The following SPI1 variants were observed in gnomAD, a reference collection of about 807,000 sequenced individuals.
The protein encoded by SPI1 is transcription factor PU.1.
SPI1 carries 3 observed loss-of-function variants against 30.7 expected under a neutral mutation model. The observed-to-expected ratio is 0.10, with a 90% CI of 0.04 to 0.25. The LOEUF (loss-of-function observed/expected upper bound fraction) is 0.25. Among genes scored for constraint, SPI1 ranks in the 10% least tolerant of loss-of-function variants. The pLI, the probability that SPI1 is intolerant of heterozygous loss-of-function variation, is 1.00. For missense variants in SPI1, 261 were observed against 371.5 expected, an observed-to-expected ratio of 0.70 and a Z score of 2.45; for synonymous variants, 169 against 157.1, an observed-to-expected ratio of 1.08 and a Z score of -0.56.
At chr11:47,358,437 C>T in intron 4 of SPI1, 2 of 634,398 alleles carry the variant, frequency 3.2e-6, no homozygotes, top group South Asian at 3.5e-5. Context: ...CATGTGTTGA[C>T]AGACACACAA....
At chr11:47,362,244 C>CATT (rs1389726026) in intron 2 of SPI1, among the ~76,000 whole-genome samples, 4 of 152,066 alleles carry the variant, frequency 2.6e-5, no homozygotes, top group Non-Finnish European at 5.9e-5. Context: ...TCATCATTAT[C>CATT]ATTATTATTA....
chr11:47,367,640 A>T (rs986915153), intron 2 of SPI1, among the ~76,000 whole-genome samples: 2 of 152,038 alleles, frequency 1.3e-5, no homozygotes, highest in Admixed American at 6.6e-5. Context: ...AGAAAGAAAA[A>T]AAGAAAATAA....
chr11:47,357,180 C>CACTCA lies in SPI1; in HGVS notation c.494-1639_494-1635dup, dbSNP rs1484950013. The stretch of plus-strand genomic sequence containing the variant: ...CACACACATGCTCACATCTCACACC[C>CACTCA]ACTCACACACACCTGCCCACACATA... On this transcript the variant is annotated intron_variant, in intron 4 of 4. Coordinates refer to ENST00000378538, the MANE Select transcript of SPI1 (RefSeq NM_003120.3). Among the ~76,000 whole-genome samples, 5 of 151,496 alleles carry CACTCA rather than the reference C, an allele frequency of 3.3e-5. No individual in the cohort carries two copies. The East Asian group carries it at 9.7e-4, about 29-fold the overall frequency.
chr11:47,364,598 C>T (rs2095925844), intron 2 of SPI1, among the ~76,000 whole-genome samples: 1 of 152,186 alleles, frequency 6.6e-6, no homozygotes, highest in Non-Finnish European at 1.5e-5. Flanking sequence ...AACCCACTCC[C>T]ATTCCAGGGC....
intron 2 of SPI1, among the ~76,000 whole-genome samples, chr11:47,362,578 T>C (rs1164800849): frequency 7.0e-6 from 1 of 142,530 alleles, no homozygotes; most frequent in Non-Finnish European, 1.5e-5. Context: ...CTCTTTTTTT[T>C]TTTTTTTTTT....
At chr11:47,367,553 C>CAAAAAAA (rs368823506) in intron 2 of SPI1, among the ~76,000 whole-genome samples, 1 of 114,480 alleles carries the variant, frequency 8.7e-6, no homozygotes, top group African/African-American at 3.5e-5. Flanking sequence ...GACTCTGCCT[C>CAAAAAAA]AAAAAAAAAA....
At chr11:47,366,559 A>G (rs927766938) in intron 2 of SPI1, among the ~76,000 whole-genome samples, 2 of 152,198 alleles carry the variant, frequency 1.3e-5, no homozygotes, top group Admixed American at 1.3e-4. Flanking sequence ...AAAATTATTC[A>G]GACGTAGAAA....
At chr11:47,367,628 A>C (rs1348284740) in intron 2 of SPI1, among the ~76,000 whole-genome samples, 5 of 151,990 alleles carry the variant, frequency 3.3e-5, no homozygotes, top group African/African-American at 9.7e-5. Flanking sequence ...GTTAAAAAAA[A>C]AAGAAAGAAA....
At position 47,359,731 on chromosome 11, in the gene SPI1, G is replaced by GT; in HGVS notation, c.330+121dup. On this transcript the variant is annotated intron_variant, in intron 3 of 4. Transcript: ENST00000378538. The surrounding 1 kb of genome is among the most constrained non-coding windows in gnomAD (Gnocchi z 5.1). ...GGCAGCCGTTGGAGCTCCAGCCGCC[G>GT]TTGGCACTGTGGGGCAGGAAGCTGA... 8.8e-7 allele frequency: 1 copy of GT among 1,142,318 alleles called. No individual in the cohort carries two copies. The highest frequency in any genetic ancestry group is 1.2e-6 in the Non-Finnish European group (1 of 804,608). 70.8% of individuals were successfully genotyped at this position (1,142,318 alleles called of 1,614,324 possible). A position where few individuals can be genotyped will look rare whatever the true frequency, so the allele number is the denominator to read the frequency against.
At chr11:47,360,851 G>A (rs1481220988) in intron 2 of SPI1, among the ~76,000 whole-genome samples, 1 of 149,428 alleles carries the variant, frequency 6.7e-6, no homozygotes, top group East Asian at 2.0e-4. Context: ...GCCGGGCGCA[G>A]TGGCTCACGC....
chr11:47,356,793 CACTT>C (rs1466798980), intron 4 of SPI1, among the ~76,000 whole-genome samples: 2 of 150,694 alleles, frequency 1.3e-5, no homozygotes, highest in Non-Finnish European at 3.0e-5. Flanking sequence ...ACCTCACACA[CACTT>C]GCACGCACAC....
rs1000662585 is a variant in SPI1 at position 47,374,265 on chromosome 11, G to A, written c.142+1368C>T. 2.0e-5 allele frequency among the ~76,000 whole-genome samples: 3 copies of A among 152,236 alleles called. No individual in the cohort carries two copies. The highest frequency in any genetic ancestry group is 7.2e-5 in the African/African-American group (3 of 41,468). On this transcript the variant is annotated intron_variant, in intron 2 of 4. Coordinates refer to ENST00000378538, the MANE Select transcript of SPI1 (RefSeq NM_003120.3). This position sits in a 1 kb window ranked among gnomAD's most constrained non-coding sequence, Gnocchi z 4.5. ...CTACATTGCCTGGGTTTCCCACCAA[G>A]AGGATGTGTTTTTTACATAATTACA...
At chr11:47,355,790 C>T (rs1364791697) in intron 4 of SPI1, among the ~76,000 whole-genome samples, 2 of 148,588 alleles carry the variant, frequency 1.3e-5, no homozygotes, top group Non-Finnish European at 3.0e-5. Context: ...CCCACGCGCA[C>T]ACACTCGCAC....
Position 47,358,935 on chromosome 11 carries a change from C to T in SPI1, c.402G>A (p.Glu134=), listed in dbSNP as rs973223392. The change falls in exon 4 of 5, where the codon GAG becomes GAA. Residue 134 remains glutamate, a synonymous_variant. Coordinates refer to ENST00000378538, the MANE Select transcript of SPI1 (RefSeq NM_003120.3). ...GTGGGGGGCTCTGCCGCTCGCCCTC[C>T]TCCTCATCTGAGCTGGGCTGGGCTG... ...LSPAQPSSDE[E]EGERQSPPLE... 6.4e-7 allele frequency: 1 copy of T among 1,567,206 alleles called. No individual in the cohort carries two copies. The highest frequency in any genetic ancestry group is 8.6e-7 in the Non-Finnish European group (1 of 1,156,826).
chr11:47,359,892 A>G lies in SPI1; in HGVS notation c.291T>C (p.Asp97=). Residue 97 remains aspartate, a synonymous_variant, in exon 3 of 5, where the codon GAT becomes GAC. Transcript: ENST00000378538. The surrounding 1 kb of genome is among the most constrained non-coding windows in gnomAD (Gnocchi z 5.1). ...TGGGATGGGGTGGCACCATGGGGGT[A>G]TCGAGGACGTGCATCTGCTCCAGCT... The part of the protein sequence containing the change: ...HMELEQMHVL[D]TPMVPPHPSL... 1.2e-6 allele frequency: 2 copies of G among 1,609,168 alleles called. No homozygotes were observed. Among genetic ancestry groups the G allele is most frequent in the African/African-American group, 1.3e-5 (1 of 75,000 alleles).
Position 47,374,154 on chromosome 11 carries a change from G to T in SPI1, c.142+1479C>A, listed in dbSNP as rs1289254913. Reference sequence around the variant, plus strand: ...GTCCTGGAACCGCTTGGGAAGGTGGGTGCGTGGTCTCTGGGTCCCCCAGAC... The same window carrying T: ...GTCCTGGAACCGCTTGGGAAGGTGGTTGCGTGGTCTCTGGGTCCCCCAGAC... On this transcript the variant is annotated intron_variant, in intron 2 of 4. Coordinates refer to ENST00000378538, the MANE Select transcript of SPI1 (RefSeq NM_003120.3). This position sits in a 1 kb window ranked among gnomAD's most constrained non-coding sequence, Gnocchi z 4.5. Among the ~76,000 whole-genome samples, 2 of 152,216 alleles carry T rather than the reference G, an allele frequency of 1.3e-5. No homozygotes were observed. Among genetic ancestry groups the T allele is most frequent in the Non-Finnish European group, 2.9e-5 (2 of 68,036 alleles).
At chr11:47,361,099 C>T (rs1435609165) in intron 2 of SPI1, among the ~76,000 whole-genome samples, 1 of 151,742 alleles carries the variant, frequency 6.6e-6, no homozygotes, top group African/African-American at 2.4e-5. Context: ...CCAGCCTGGG[C>T]GACGGAGCGA....
chr11:47,358,503 C>A, intron 4 of SPI1: 1 of 660,360 alleles, frequency 1.5e-6, no homozygotes, highest in Non-Finnish European at 2.8e-6. Flanking sequence ...TTCTCACACA[C>A]CCACTCACAC....
At chr11:47,365,868 T>C (rs978210423) in intron 2 of SPI1, among the ~76,000 whole-genome samples, 16 of 152,148 alleles carry the variant, frequency 1.1e-4, no homozygotes, top group Non-Finnish European at 2.9e-5. Context: ...AACTAATTTT[T>C]GTATTTTTAG....
Sources: allele counts gnomAD v4.1 joint callset (sites outside exome capture counted in the v4.1 genomes callset), GRCh38; gene constraint gnomAD v4.1.1; non-coding constraint Gnocchi (gnomAD v3.1); transcripts MANE v1.5; gene names NCBI Gene and HGNC (gene_info 2026-07-23, HGNC 2026-07-21).